Variants in PCDHGA1 observed in about 807,000 individuals in gnomAD.
PCDHGA1 encodes protocadherin gamma-A1.
A neutral mutation model predicts 58.0 loss-of-function variants in PCDHGA1; 32 were observed. That is an observed-to-expected ratio of 0.55 (90% CI 0.42 to 0.74). PCDHGA1 has a LOEUF of 0.74. PCDHGA1 is among the 30% of genes least tolerant of loss of function. The probability of loss-of-function intolerance (pLI) is 0.00; values close to 1 mark genes in which losing one functional copy is unlikely to be tolerated. For synonymous variants in PCDHGA1, 498 were observed against 501.1 expected (o/e 0.99, Z 0.08); for missense variants, 1,205 against 1,182.3 (o/e 1.02, Z -0.28).
chr5:141,400,734 G>T, intron 1 of PCDHGA1: 1 of 634,546 alleles, frequency 1.6e-6, no homozygotes, highest in Non-Finnish European at 2.7e-6. Context: ...AAAGTAGTGA[G>T]AGTTTGCTCT....
rs2097368013 is a variant in PCDHGA1 at position 141,431,382 on chromosome 5, A to G, written c.2422-63425A>G. 6 of 1,613,756 alleles carry G rather than the reference A, an allele frequency of 3.7e-6. No homozygotes were observed. In the East Asian group the frequency reaches 1.1e-4, roughly 30 times the overall value. On this transcript the variant is annotated intron_variant, in intron 1 of 3. Transcript: ENST00000517417. This position sits in a 1 kb window ranked among gnomAD's most constrained non-coding sequence, Gnocchi z 4.8. ...CTGGACCGCGAAGAAAAGGCTGCTC[A>G]CCACCTGGTCCTTACGGCCTCCGAC... is the stretch of plus-strand genomic sequence containing the variant.
intron 1 of PCDHGA1, chr5:141,377,075 T>A (rs552169121): frequency 6.6e-6 from 1 of 152,554 alleles, no homozygotes; most frequent in South Asian, 2.1e-4. Flanking sequence ...GAGAGTCACA[T>A]AATTCTAATG....
Position 141,344,321 on chromosome 5 carries a change from C to A in PCDHGA1, c.2421+11216C>A, listed in dbSNP as rs759020376. 20 of 1,613,906 alleles carry A rather than the reference C, an allele frequency of 1.2e-5. No homozygotes were observed. In the Admixed American group the frequency reaches 2.0e-4, roughly 16 times the overall value. On this transcript the variant is annotated intron_variant, in intron 1 of 3. Transcript: ENST00000517417. ...AGAGGATAGACCGGGAGGAGCTCTG[C>A]GCTCAGATCCCGCTGTGTCTGGTAA...
chr5:141,464,144 A>G (rs1305530394), intron 1 of PCDHGA1, among the ~76,000 whole-genome samples: 1 of 152,030 alleles, frequency 6.6e-6, no homozygotes, highest in South Asian at 2.1e-4. Context: ...GGGCGCCTGT[A>G]GTCCCAGCTA....
intron 1 of PCDHGA1, chr5:141,420,440 C>G (rs1298244162): frequency 9.3e-7 from 1 of 1,076,214 alleles, no homozygotes; most frequent in Non-Finnish European, 1.2e-6. Context: ...AATTAAATGC[C>G]TCAGTCTTCC....
intron 1 of PCDHGA1, chr5:141,433,267 C>T (rs1462399366): frequency 7.7e-7 from 1 of 1,305,096 alleles, no homozygotes; most frequent in Non-Finnish European, 1.1e-6. Context: ...GATCATAGCT[C>T]ACTGCAGCCT....
chr5:141,391,196 T>C (rs887079701), intron 1 of PCDHGA1: 1 of 152,158 alleles, frequency 6.6e-6, no homozygotes, highest in Non-Finnish European at 1.5e-5. Flanking sequence ...ACAAAATATA[T>C]ACAAAATACC....
Position 141,332,396 on chromosome 5 carries a change from G to A in PCDHGA1, c.1712G>A (p.Gly571Asp), listed in dbSNP as rs2149713781. The change falls in exon 1 of 4, where the codon GGT becomes GAT. Residue 571 changes from glycine to aspartate, a missense_variant. Coordinates refer to ENST00000517417, the MANE Select transcript of PCDHGA1 (RefSeq NM_018912.3). This position sits in a 1 kb window ranked among gnomAD's most constrained non-coding sequence, Gnocchi z 4.6. ...CTGTACCCCGCCCTCCCCACAGATG[G>A]TTCTACCGGCGTGGAGCTGGCGCCC... ...EILYPALPTDGSTGVELAPLS... is the reference protein window; with the variant it reads ...EILYPALPTDDSTGVELAPLS... 6.2e-7 allele frequency: 1 copy of A among 1,614,206 alleles called. No individual in the cohort carries two copies. Among genetic ancestry groups the A allele is most frequent in the Non-Finnish European group, 8.5e-7 (1 of 1,180,050 alleles).
chr5:141,418,273 A>C, intron 1 of PCDHGA1: 1 of 1,614,082 alleles, frequency 6.2e-7, no homozygotes, highest in South Asian at 1.1e-5. Context: ...AAGATGAAAT[A>C]AACTTAGAAA....
In PCDHGA1 at chr5:141,493,307, AAG is replaced by A. The variant is rs2099747490; in HGVS notation, c.2422-1494_2422-1493del. Among the ~76,000 whole-genome samples, 1 of 152,234 alleles carries A rather than the reference AAG, an allele frequency of 6.6e-6. No homozygotes were observed. Among genetic ancestry groups the A allele is most frequent in the South Asian group, 2.1e-4 (1 of 4,832 alleles). ...ACTTGCTCAAGTTCACAGAGCAAGT[AAG>A]AGAGATTCTAACCCCTGTCTAACTC... On this transcript the variant is annotated intron_variant, in intron 1 of 3. Transcript: ENST00000517417. This position sits in a 1 kb window ranked among gnomAD's most constrained non-coding sequence, Gnocchi z 4.3.
rs376892761 is a variant in PCDHGA1, at chr5:141,375,904, C to T, written c.2421+42799C>T. On this transcript the variant is annotated intron_variant, in intron 1 of 3. Transcript: ENST00000517417. ...GCCAGAACGCCTGGCTGTCCTACCG[C>T]CTGCTCAAGGCCAGCGAGCCAGGAC... The T allele has an allele frequency of 2.5e-5, 41 of 1,613,756 alleles. No homozygotes were observed. In the South Asian group the frequency reaches 2.6e-4, roughly 10 times the overall value.
chr5:141,441,797 G>A, intron 1 of PCDHGA1: 2 of 386,536 alleles, frequency 5.2e-6, no homozygotes, highest in Non-Finnish European at 1.0e-5. Context: ...ACAACGCACC[G>A]CGGGTGCTGT....
At chr5:141,417,972 C>T (rs2154547391) in intron 1 of PCDHGA1, 2 of 1,613,830 alleles carry the variant, frequency 1.2e-6, no homozygotes, top group Admixed American at 1.7e-5. Flanking sequence ...TACTCGATTC[C>T]GGAGGAGCTG....
At chr5:141,355,920 C>G (rs1760043730) in intron 1 of PCDHGA1, 1 of 1,613,790 alleles carries the variant, frequency 6.2e-7, no homozygotes, top group Non-Finnish European at 8.5e-7. Context: ...ATAATGCTCC[C>G]GTGTTCACTC....
intron 1 of PCDHGA1, chr5:141,395,626 G>A (rs57582939): frequency 0.038 from 6,997 of 184,208 alleles, 191 homozygotes; most frequent in African/African-American, 0.067. Context: ...TTATCAAGAA[G>A]TCTAAAGCCT....
At chr5:141,479,084 G>A (rs749298402) in intron 1 of PCDHGA1, among the ~76,000 whole-genome samples, 19 of 152,016 alleles carry the variant, frequency 1.2e-4, no homozygotes, top group Non-Finnish European at 1.9e-4. Flanking sequence ...GAAATTCCAG[G>A]CATCCTTTAA....
rs199965876 is a variant in PCDHGA1, at chr5:141,419,464, C to G, written c.2422-75343C>G. ...CCTTCGAGCTCACGCTGCAGGCCCG[C>G]GACCAGGGCTCGCCCGCGCTCAGCG... On this transcript the variant is annotated intron_variant, in intron 1 of 3. Transcript: ENST00000517417. 4 of 1,612,542 alleles carry G rather than the reference C, an allele frequency of 2.5e-6. No homozygotes were observed. In the Admixed American group the frequency reaches 6.7e-5, roughly 27 times the overall value.
chr5:141,480,241 A>C (rs895691864), intron 1 of PCDHGA1, among the ~76,000 whole-genome samples: 58 of 97,306 alleles, frequency 6.0e-4, no homozygotes, highest in African/African-American at 2.2e-3. Context: ...CTGTCTCTAC[A>C]AAAAAAAAAA....
intron 1 of PCDHGA1, among the ~76,000 whole-genome samples, chr5:141,353,364 A>G (rs1759258008): frequency 6.6e-6 from 1 of 152,202 alleles, no homozygotes; most frequent in African/African-American, 2.4e-5. Flanking sequence ...TATGTAATTG[A>G]TGTAATTATG....
Sources: gnomAD v4.1 joint callset for allele counts (sites outside exome capture counted in the v4.1 genomes callset) on GRCh38, gnomAD v4.1.1 for gene constraint, Gnocchi (gnomAD v3.1) non-coding constraint, MANE v1.5 for transcripts, NCBI Gene and HGNC (gene_info 2026-07-23, HGNC 2026-07-21) for gene names.